KCNT2: variants seen among roughly 807,000 people sequenced by gnomAD.
The protein encoded by KCNT2 is potassium sodium-activated channel subfamily T member 2.
Under a neutral mutation model 153.8 loss-of-function variants are expected in KCNT2, and 67 were observed. The ratio of observed to expected loss-of-function variants is 0.44; its 90% confidence interval spans 0.36 to 0.53. The LOEUF (loss-of-function observed/expected upper bound fraction) is 0.53. Ranked by LOEUF, KCNT2 falls within the 20% of genes least tolerant of loss-of-function variation. The pLI is 0.00. For missense variants in KCNT2, 975 were observed against 1,354.8 expected, an observed-to-expected ratio of 0.72 and a Z score of 4.40; for synonymous variants, 500 against 458.8, an observed-to-expected ratio of 1.09 and a Z score of -1.15.
At position 196,371,334 on chromosome 1, in the gene KCNT2, C is replaced by T. The variant is rs1040453704; in HGVS notation, c.1403+1806G>A. On this transcript the variant is annotated intron_variant, in intron 14 of 27. Transcript: ENST00000294725. ...TAAAAGCAGAAATAGATTGTGGTTGCCTAGGGCTGCAAGAATTGGTGGGGG... is the reference window on the plus strand; with the variant it reads ...TAAAAGCAGAAATAGATTGTGGTTGTCTAGGGCTGCAAGAATTGGTGGGGG... 4.3e-4 allele frequency among the ~76,000 whole-genome samples: 64 copies of T among 149,430 alleles called. 1 individual carries two copies. The highest frequency in any genetic ancestry group is 1.4e-3 in the African/African-American group (58 of 40,312).
chr1:196,315,901 G>A lies in KCNT2; in HGVS notation c.2474C>T (p.Thr825Ile). The A allele has an allele frequency of 2.5e-6, 4 of 1,606,126 alleles. No homozygotes were observed. Among genetic ancestry groups the A allele is most frequent in the Non-Finnish European group, 2.6e-6 (3 of 1,175,780 alleles). ...ADAKTIVNVQ[T>I]LFRLFSSLSI... ...TGATTCAGCCACTTACCTGAAGAGT[G>A]TCTGCACGTTCACAATGGTTTTGGC... Residue 825 changes from threonine (T) to isoleucine (I), a missense_variant, in exon 21 of 28, where the codon ACA becomes ATA. This residue lies in a region of KCNT2 where 66 missense variants were observed against 147.9 expected (regional missense o/e 0.45). Coordinates refer to ENST00000294725, the MANE Select transcript of KCNT2 (RefSeq NM_198503.5).
At chr1:196,416,319 T>G (rs1672749895) in intron 12 of KCNT2, among the ~76,000 whole-genome samples, 1 of 152,008 alleles carries the variant, frequency 6.6e-6, no homozygotes, top group African/African-American at 2.4e-5. Context: ...AGTTCTCAAG[T>G]TAATAAGGAA....
chr1:196,366,454 C>T (rs188949726), intron 14 of KCNT2, among the ~76,000 whole-genome samples: 154 of 152,178 alleles, frequency 1.0e-3, no homozygotes, highest in African/African-American at 3.1e-3. Flanking sequence ...CCACCACACC[C>T]GGCTTTTGCT....
chr1:196,471,523 C>T (rs1678108163), intron 5 of KCNT2, among the ~76,000 whole-genome samples: 1 of 151,928 alleles, frequency 6.6e-6, no homozygotes, highest in Non-Finnish European at 1.5e-5. Context: ...ATTGTATTTT[C>T]ACTTTTCATT....
At chr1:196,486,455 C>A (rs1679428316) in intron 3 of KCNT2, among the ~76,000 whole-genome samples, 1 of 151,788 alleles carries the variant, frequency 6.6e-6, no homozygotes, top group African/African-American at 2.4e-5. Context: ...GAAGGAAAAG[C>A]AAAAGTTAAA....
intron 25 of KCNT2, among the ~76,000 whole-genome samples, chr1:196,276,502 A>G (rs530385230): frequency 6.6e-6 from 1 of 151,962 alleles, no homozygotes; most frequent in Non-Finnish European, 1.5e-5. Flanking sequence ...GACCTGCTCT[A>G]GGTCTCCCTT....
intron 25 of KCNT2, among the ~76,000 whole-genome samples, chr1:196,278,024 C>T (rs1658740989): frequency 1.3e-5 from 2 of 151,976 alleles, no homozygotes; most frequent in Non-Finnish European, 2.9e-5. Flanking sequence ...TATTACTCAT[C>T]ATGGTATCTA....
At chr1:196,324,870 T>C (rs959875550) in intron 19 of KCNT2, among the ~76,000 whole-genome samples, 10 of 152,064 alleles carry the variant, frequency 6.6e-5, no homozygotes, top group African/African-American at 2.2e-4. Flanking sequence ...AATCCTAATA[T>C]ACAAATCAAT....
intron 1 of KCNT2, among the ~76,000 whole-genome samples, chr1:196,509,454 T>C (rs745733529): frequency 5.9e-5 from 9 of 152,250 alleles, no homozygotes; most frequent in Non-Finnish European, 1.2e-4. Context: ...TTACCTAACG[T>C]TGAATAAAAG....
chr1:196,546,395 T>C (rs1426820448), intron 1 of KCNT2, among the ~76,000 whole-genome samples: 1 of 152,064 alleles, frequency 6.6e-6, no homozygotes, highest in Non-Finnish European at 1.5e-5. Context: ...AATTAGCTAC[T>C]CTTCTTATCT....
intron 1 of KCNT2, among the ~76,000 whole-genome samples, chr1:196,505,253 A>G (rs1681034986): frequency 6.6e-6 from 1 of 152,120 alleles, no homozygotes; most frequent in South Asian, 2.1e-4. Context: ...GCTTGAATTA[A>G]TTTTTGTATA....
Position 196,277,775 on chromosome 1 carries a change from A to G in KCNT2, c.2910+3085T>C, listed in dbSNP as rs148971782. On this transcript the variant is annotated intron_variant, in intron 25 of 27. Transcript: ENST00000294725. ...TTGAATCATTTCATATTTGAGAGAC[A>G]TGGTGAACTGTCAGAGTCAATTTTA... Among the ~76,000 whole-genome samples the G allele has an allele frequency of 3.5e-3, 528 of 152,276 alleles. 5 individuals are homozygous for G. The highest frequency in any genetic ancestry group is 0.016 in the South Asian group (75 of 4,822).
intron 3 of KCNT2, among the ~76,000 whole-genome samples, chr1:196,483,140 G>A (rs1303486396): frequency 6.6e-6 from 1 of 152,142 alleles, no homozygotes; most frequent in Non-Finnish European, 1.5e-5. Context: ...GTGAATGGTA[G>A]TTTTTCGCAT....
chr1:196,226,806 T>C lies in KCNT2; in HGVS notation c.*1418A>G, dbSNP rs936355803. ...AAGTCCCTTTCTAGTTTTATATGTA[T>C]TTTTTGTTGTTGCTGAATTAAACTC... On this transcript the variant is annotated 3_prime_UTR_variant, in exon 28 of 28. Transcript: ENST00000294725. 6.6e-6 allele frequency: 1 copy of C among 151,996 alleles called. No homozygotes were observed. 9.4% of individuals were successfully genotyped at this position (151,996 alleles called of 1,614,324 possible).
chr1:196,419,699 TG>T (rs1673043431), intron 12 of KCNT2, among the ~76,000 whole-genome samples: 1 of 152,080 alleles, frequency 6.6e-6, no homozygotes, highest in South Asian at 2.1e-4. Context: ...TTCAGAATTT[TG>T]AAAGCATTGT....
intron 19 of KCNT2, among the ~76,000 whole-genome samples, chr1:196,324,305 A>G (rs915596812): frequency 6.6e-6 from 1 of 151,942 alleles, no homozygotes; most frequent in Non-Finnish European, 1.5e-5. Context: ...AGCAAGCAAC[A>G]TGTATTTTTT....
At chr1:196,356,689 C>T (rs769358843) in intron 14 of KCNT2, among the ~76,000 whole-genome samples, 1 of 151,754 alleles carries the variant, frequency 6.6e-6, no homozygotes, top group Admixed American at 6.6e-5. Context: ...CCCAGAGTTG[C>T]TTATATAATC....
At chr1:196,278,376 G>A (rs1355995706) in intron 25 of KCNT2, among the ~76,000 whole-genome samples, 1 of 152,144 alleles carries the variant, frequency 6.6e-6, no homozygotes, top group Non-Finnish European at 1.5e-5. Flanking sequence ...ATAACAATAT[G>A]TGTGTCAGAA....
chr1:196,460,244 A>T (rs551376156), intron 8 of KCNT2, among the ~76,000 whole-genome samples: 5 of 151,910 alleles, frequency 3.3e-5, no homozygotes, highest in African/African-American at 1.2e-4. Context: ...TTTACTACTC[A>T]GTCATATCTT....
Sources: allele counts gnomAD v4.1 joint callset (sites outside exome capture counted in the v4.1 genomes callset), GRCh38; gene constraint gnomAD v4.1.1; regional missense constraint gnomAD v4.1.1; transcripts MANE v1.5; gene names NCBI Gene and HGNC (gene_info 2026-07-23, HGNC 2026-07-21).